Variants in PLCB1 observed in about 807,000 individuals in gnomAD.
The protein encoded by PLCB1 is 1-phosphatidylinositol 4,5-bisphosphate phosphodiesterase beta-1.
Under a neutral mutation model 161.8 loss-of-function variants are expected in PLCB1, and 46 were observed. That is an observed-to-expected ratio of 0.28 (90% CI 0.22 to 0.36). The LOEUF is 0.36. Among genes scored for constraint, PLCB1 ranks in the 10% least tolerant of loss-of-function variants. PLCB1 has a pLI of 1.00. For missense variants in PLCB1, 1,016 were observed against 1,472.5 expected, an observed-to-expected ratio of 0.69 and a Z score of 5.07; for synonymous variants, 517 against 503.7, an observed-to-expected ratio of 1.03 and a Z score of -0.35.
At chr20:8,769,810 ATCT>A (rs1016115241) in intron 26 of PLCB1, among the ~76,000 whole-genome samples, 1 of 152,282 alleles carries the variant, frequency 6.6e-6, no homozygotes, top group South Asian at 2.1e-4. Context: ...TTACTGAATA[ATCT>A]TCTTTTGATG....
In PLCB1 at chr20:8,658,656, C is replaced by A. The variant is rs1336498457; in HGVS notation, c.814C>A (p.Gln272Lys). ...LYPPLKQEQV[Q>K]VLIEKYEPNN... ...TCCACCTCTAAAACAAGAGCAAGTC[C>A]AAGTATTGATTGAGAAGTATGAACC... The change falls in exon 9 of 32, where the codon CAA becomes AAA. Residue 272 changes from glutamine to lysine, a missense_variant. Physicochemically the swap from Gln to Lys is moderately conservative, Grantham distance 53. Transcript: ENST00000338037. The A allele has an allele frequency of 6.2e-7, 1 of 1,612,734 alleles. No homozygotes were observed. Among genetic ancestry groups the A allele is most frequent in the South Asian group, 1.1e-5 (1 of 90,944 alleles).
At chr20:8,265,446 G>GTCTA (rs1475701997) in intron 2 of PLCB1, among the ~76,000 whole-genome samples, 1 of 152,172 alleles carries the variant, frequency 6.6e-6, no homozygotes, top group Non-Finnish European at 1.5e-5. Flanking sequence ...CACTGATCAT[G>GTCTA]TCTAACTGAA....
At chr20:8,267,704 G>T (rs1982042524) in intron 2 of PLCB1, among the ~76,000 whole-genome samples, 1 of 152,154 alleles carries the variant, frequency 6.6e-6, no homozygotes, top group Admixed American at 6.5e-5. Context: ...CAGAACGGGA[G>T]CGGGCTTGAG....
At chr20:8,533,632 TC>T (rs1199314981) in intron 3 of PLCB1, among the ~76,000 whole-genome samples, 1 of 151,082 alleles carries the variant, frequency 6.6e-6, no homozygotes, top group Non-Finnish European at 1.5e-5. Context: ...GAGCATTTTT[TC>T]ATGTGTTTTT....
chr20:8,582,921 G>A (rs1321987376), intron 3 of PLCB1, among the ~76,000 whole-genome samples: 1 of 149,452 alleles, frequency 6.7e-6, no homozygotes, highest in African/African-American at 2.5e-5. Flanking sequence ...TCCAGGAGGT[G>A]GAAGTTGCAG....
chr20:8,868,378 A>G (rs1987499345), intron 31 of PLCB1, among the ~76,000 whole-genome samples: 2 of 135,618 alleles, frequency 1.5e-5, no homozygotes, highest in Admixed American at 1.6e-4. Context: ...CAGCAGGTCA[A>G]TAAGACCCTG....
intron 31 of PLCB1, among the ~76,000 whole-genome samples, chr20:8,878,005 C>T (rs1009836429): frequency 1.3e-5 from 2 of 152,080 alleles, no homozygotes; most frequent in African/African-American, 4.8e-5. Context: ...GTAGGTTTTT[C>T]TTAGAATTAA....
At chr20:8,682,555 A>G (rs982452271) in intron 9 of PLCB1, among the ~76,000 whole-genome samples, 1 of 152,218 alleles carries the variant, frequency 6.6e-6, no homozygotes, top group African/African-American at 2.4e-5. Context: ...GAACTTGGGA[A>G]AAGCAGTCAT....
intron 10 of PLCB1, among the ~76,000 whole-genome samples, chr20:8,685,551 CCT>C (rs1274184604): frequency 8.2e-5 from 11 of 133,834 alleles, no homozygotes; most frequent in Non-Finnish European, 1.6e-5. Context: ...TGGCGAAACC[CCT>C]GTCTCTACTA....
chr20:8,821,770 G>T (rs1007904671), intron 31 of PLCB1, among the ~76,000 whole-genome samples: 41 of 151,828 alleles, frequency 2.7e-4, no homozygotes, highest in African/African-American at 9.4e-4. Context: ...TTGTCAGAAG[G>T]TGTCAAGTCC....
chr20:8,262,994 A>T lies in PLCB1; in HGVS notation c.178-108388A>T, dbSNP rs77262734. 7.2e-5 allele frequency among the ~76,000 whole-genome samples: 11 copies of T among 152,262 alleles called. No homozygotes were observed. In the East Asian group the frequency reaches 2.1e-3, roughly 29 times the overall value. ...AGGCCCCACCTCTAAATATAATCAC[A>T]TTGGGGATTAAGGGCTTCAACAAAT... On this transcript the variant is annotated intron_variant, in intron 2 of 31. Coordinates refer to ENST00000338037, the MANE Select transcript of PLCB1 (RefSeq NM_015192.4).
chr20:8,757,249 G>C (rs923827687), intron 24 of PLCB1, 71 bp downstream of exon 24: 33 of 1,457,300 alleles, frequency 2.3e-5, no homozygotes, highest in Non-Finnish European at 3.1e-5. Context: ...TGACGGAGGC[G>C]CTGTGATGTG....
At chr20:8,588,843 C>T (rs955650611) in intron 3 of PLCB1, among the ~76,000 whole-genome samples, 21 of 152,190 alleles carry the variant, frequency 1.4e-4, no homozygotes, top group Admixed American at 3.3e-4. Context: ...ATGTTTTCTG[C>T]ACTGTGGCTT....
intron 3 of PLCB1, among the ~76,000 whole-genome samples, chr20:8,383,486 A>G (rs562972392): frequency 1.9e-4 from 29 of 152,310 alleles, no homozygotes; most frequent in African/African-American, 6.7e-4. Flanking sequence ...GACTCTATCC[A>G]ATTTGCCAGT....
chr20:8,353,300 C>G (rs1986244158), intron 2 of PLCB1, among the ~76,000 whole-genome samples: 1 of 151,980 alleles, frequency 6.6e-6, no homozygotes, highest in Non-Finnish European at 1.5e-5. Flanking sequence ...AATAAGTATC[C>G]ATAGGCCACA....
chr20:8,533,374 T>C (rs1409103776), intron 3 of PLCB1, among the ~76,000 whole-genome samples: 2 of 151,298 alleles, frequency 1.3e-5, no homozygotes, highest in Non-Finnish European at 1.5e-5. Context: ...TTTGGGTATA[T>C]ACCCAGTAAT....
At chr20:8,609,602 T>C (rs892669606) in intron 3 of PLCB1, among the ~76,000 whole-genome samples, 1 of 152,194 alleles carries the variant, frequency 6.6e-6, no homozygotes, top group South Asian at 2.1e-4. Flanking sequence ...AGTAAAAATA[T>C]TTTGAAGTTT....
chr20:8,800,473 T>G (rs1984231386), intron 31 of PLCB1, among the ~76,000 whole-genome samples: 2 of 152,094 alleles, frequency 1.3e-5, no homozygotes, highest in South Asian at 4.1e-4. Context: ...AATAACACAT[T>G]TATACAGACA....
chr20:8,177,055 TA>T (rs1169778730), intron 2 of PLCB1, among the ~76,000 whole-genome samples: 3 of 152,106 alleles, frequency 2.0e-5, no homozygotes, highest in African/African-American at 7.2e-5. Flanking sequence ...AAAATCAAAT[TA>T]AAATAATTTT....
Sources: gnomAD v4.1 joint callset for allele counts (sites outside exome capture counted in the v4.1 genomes callset) on GRCh38, gnomAD v4.1.1 for gene constraint, MANE v1.5 for transcripts, NCBI Gene and HGNC (gene_info 2026-07-23, HGNC 2026-07-21) for gene names.